Variants in THSD7A observed in about 807,000 individuals in gnomAD.
THSD7A encodes the protein thrombospondin type 1 domain containing 7A.
THSD7A carries 96 observed loss-of-function variants against 231.3 expected under a neutral mutation model. The observed-to-expected ratio is 0.41, with a 90% CI of 0.35 to 0.49. The LOEUF is 0.49. Among genes scored for constraint, THSD7A ranks in the 20% least tolerant of loss-of-function variants. The pLI is 0.05. For missense variants in THSD7A, 2,290 were observed against 2,070.2 expected, an observed-to-expected ratio of 1.11 and a Z score of -2.06; for synonymous variants, 940 against 743.3, an observed-to-expected ratio of 1.26 and a Z score of -4.30.
At chr7:11,755,974 CA>C (rs1219530246) in intron 1 of THSD7A, among the ~76,000 whole-genome samples, 1 of 152,016 alleles carries the variant, frequency 6.6e-6, no homozygotes, top group Admixed American at 6.6e-5. Flanking sequence ...TTTGAAAACA[CA>C]ATTTTCATGT....
chr7:11,380,655 G>A (rs1025822064), intron 24 of THSD7A, among the ~76,000 whole-genome samples: 3 of 152,124 alleles, frequency 2.0e-5, no homozygotes, highest in African/African-American at 7.2e-5. Context: ...ACACAAAGCA[G>A]TATTTTGAGT....
chr7:11,523,873 G>T (rs981319699), intron 6 of THSD7A, among the ~76,000 whole-genome samples: 1 of 151,782 alleles, frequency 6.6e-6, no homozygotes, highest in Non-Finnish European at 1.5e-5. Flanking sequence ...AGTACATATT[G>T]TACACAATTT....
At chr7:11,504,145 T>G (rs1165997473) in intron 6 of THSD7A, among the ~76,000 whole-genome samples, 1 of 152,118 alleles carries the variant, frequency 6.6e-6, no homozygotes, top group Admixed American at 6.6e-5. Context: ...AAGAACGAGA[T>G]CATGTCTCTT....
At chr7:11,760,964 T>A (rs1782838452) in intron 1 of THSD7A, among the ~76,000 whole-genome samples, 1 of 148,104 alleles carries the variant, frequency 6.8e-6, no homozygotes. Flanking sequence ...TTATAAATTA[T>A]AATTTATATA....
intron 4 of THSD7A, among the ~76,000 whole-genome samples, chr7:11,555,680 T>C (rs1484806375): frequency 6.6e-6 from 1 of 151,888 alleles, no homozygotes; most frequent in African/African-American, 2.4e-5. Flanking sequence ...TACAATTATC[T>C]ATTTGTCAAT....
At chr7:11,642,806 C>A (rs901717788) in intron 1 of THSD7A, among the ~76,000 whole-genome samples, 1 of 152,028 alleles carries the variant, frequency 6.6e-6, no homozygotes, top group Non-Finnish European at 1.5e-5. Context: ...TATTTTTATT[C>A]CTGCTAAAGA....
intron 2 of THSD7A, among the ~76,000 whole-genome samples, chr7:11,615,752 T>C (rs1015746314): frequency 2.0e-5 from 3 of 152,206 alleles, no homozygotes; most frequent in African/African-American, 7.2e-5. Context: ...GTCAATGTCA[T>C]CTGTCTGAAA....
chr7:11,817,523 T>C (rs982046709), intron 1 of THSD7A, among the ~76,000 whole-genome samples: 1 of 152,214 alleles, frequency 6.6e-6, no homozygotes, highest in African/African-American at 2.4e-5. Flanking sequence ...GCAGAGAAGC[T>C]TGACATTCAT....
intron 1 of THSD7A, among the ~76,000 whole-genome samples, chr7:11,781,485 G>C (rs1177371342): frequency 2.0e-5 from 3 of 151,958 alleles, no homozygotes; most frequent in African/African-American, 7.3e-5. Context: ...AAGACGAAAA[G>C]AAAGGGAAGG....
chr7:11,466,377 G>A (rs1369418705), intron 9 of THSD7A, among the ~76,000 whole-genome samples: 1 of 151,994 alleles, frequency 6.6e-6, no homozygotes, highest in African/African-American at 2.4e-5. Context: ...CTAACCTCAT[G>A]CCATTTACTT....
chr7:11,493,354 A>C lies in THSD7A; in HGVS notation c.1823-11372T>G, dbSNP rs558240984. Among the ~76,000 whole-genome samples, 13 of 152,240 alleles carry C rather than the reference A, an allele frequency of 8.5e-5. No individual in the cohort carries two copies. In the East Asian group the frequency reaches 2.3e-3, roughly 27 times the overall value. On this transcript the variant is annotated intron_variant, in intron 6 of 27. Coordinates refer to ENST00000423059, the MANE Select transcript of THSD7A (RefSeq NM_015204.3). ...TTGAAATTAAAGAACAACGAGAACAAAGATCTTGAAAAAGATAGAAGAATG... is the reference window on the plus strand; with the variant it reads ...TTGAAATTAAAGAACAACGAGAACACAGATCTTGAAAAAGATAGAAGAATG...
intron 13 of THSD7A, among the ~76,000 whole-genome samples, chr7:11,437,202 G>C (rs1444815812): frequency 1.3e-5 from 2 of 152,040 alleles, no homozygotes; most frequent in African/African-American, 4.8e-5. Flanking sequence ...TGAGGTGTCG[G>C]AACATGAACT....
chr7:11,532,617 C>A (rs117756865), intron 6 of THSD7A, among the ~76,000 whole-genome samples: 5,554 of 152,214 alleles, frequency 0.036, 133 homozygotes, highest in Middle Eastern at 0.058. Context: ...CCATAATGTA[C>A]ATATTACATC....
At chr7:11,777,940 G>C (rs1337992180) in intron 1 of THSD7A, among the ~76,000 whole-genome samples, 3 of 150,504 alleles carry the variant, frequency 2.0e-5, no homozygotes, top group Admixed American at 2.0e-4. Flanking sequence ...ACGAGGTCAA[G>C]AGATCGAGAC....
intron 1 of THSD7A, among the ~76,000 whole-genome samples, chr7:11,676,079 A>G (rs939645306): frequency 1.3e-5 from 2 of 152,230 alleles, no homozygotes; most frequent in African/African-American, 4.8e-5. Flanking sequence ...GCAAGCAGCA[A>G]TCTTTGCTGT....
intron 2 of THSD7A, among the ~76,000 whole-genome samples, chr7:11,617,699 T>C (rs1472509658): frequency 1.3e-5 from 2 of 152,196 alleles, no homozygotes; most frequent in South Asian, 2.1e-4. Flanking sequence ...TAATATTAGA[T>C]GTTAATGTCT....
In THSD7A at chr7:11,632,416, T is replaced by C. The variant is rs1027547717; in HGVS notation, c.1022+3714A>G. Among the ~76,000 whole-genome samples, 1 of 152,198 alleles carries C rather than the reference T, an allele frequency of 6.6e-6. No individual in the cohort carries two copies. The highest frequency in any genetic ancestry group is 1.5e-5 in the Non-Finnish European group (1 of 68,024). ...ATTTTTTAAGCATCTAGGGAATATA[T>C]TGATTTTTGGATATTATATTTGTGT... On this transcript the variant is annotated intron_variant, in intron 2 of 27. Coordinates refer to ENST00000423059, the MANE Select transcript of THSD7A (RefSeq NM_015204.3). The surrounding 1 kb of genome is among the most constrained non-coding windows in gnomAD (Gnocchi z 4.1).
intron 2 of THSD7A, among the ~76,000 whole-genome samples, chr7:11,603,256 A>T (rs1488060982): frequency 6.6e-6 from 1 of 151,822 alleles, no homozygotes; most frequent in Non-Finnish European, 1.5e-5. Flanking sequence ...ACATTTATGC[A>T]GCCAAAAAAC....
intron 1 of THSD7A, among the ~76,000 whole-genome samples, chr7:11,741,752 C>G (rs1782122327): frequency 6.6e-6 from 1 of 151,818 alleles, no homozygotes; most frequent in Non-Finnish European, 1.5e-5. Context: ...ATGACCTAAA[C>G]AAAGAATATA....
Sources: allele counts gnomAD v4.1 joint callset (sites outside exome capture counted in the v4.1 genomes callset), GRCh38; gene constraint gnomAD v4.1.1; non-coding constraint Gnocchi (gnomAD v3.1); transcripts MANE v1.5; gene names NCBI Gene and HGNC (gene_info 2026-07-23, HGNC 2026-07-21).